The following EXOC4 variants were observed in gnomAD, a reference collection of about 807,000 sequenced individuals.
EXOC4 encodes the protein SEC8-like 1.
A neutral mutation model predicts 107.2 loss-of-function variants in EXOC4; 71 were observed. The ratio of observed to expected loss-of-function variants is 0.66; its 90% CI spans 0.55 to 0.81. The LOEUF is 0.81. Among genes scored for constraint, EXOC4 ranks in the 30% least tolerant of loss-of-function variants. EXOC4 has a pLI of 0.00. For missense variants in EXOC4, 1,108 were observed against 1,189.6 expected (o/e 0.93, Z 1.01); for synonymous variants, 456 against 441.2 (o/e 1.03, Z -0.42).
chr7:133,305,873 TCAGG>T lies in EXOC4; in HGVS notation c.472-3_472del, dbSNP rs1431040779. Reference sequence around the variant, plus strand: ...AATTGTCTTTCATTTTTTTCTCTTTTCAGGTGTCAGCAGTTGAGTCTTTGGAGGG... The same window carrying T: ...AATTGTCTTTCATTTTTTTCTCTTTTTGTCAGCAGTTGAGTCTTTGGAGGG... On this transcript the variant is annotated splice_acceptor_variant and splice_polypyrimidine_tract_variant and coding_sequence_variant and intron_variant, in exon 4 of 18. Coordinates refer to ENST00000253861, the MANE Select transcript of EXOC4 (RefSeq NM_021807.4). LOFTEE classifies it high-confidence loss of function. The T allele has an allele frequency of 6.3e-7, 1 of 1,587,636 alleles. No individual in the cohort carries two copies. Among genetic ancestry groups the T allele is most frequent in the Non-Finnish European group, 8.6e-7 (1 of 1,169,224 alleles).
At chr7:133,536,009 C>T (rs11972131) in intron 9 of EXOC4, among the ~76,000 whole-genome samples, 2,172 of 152,182 alleles carry the variant, frequency 0.014, 62 homozygotes, top group African/African-American at 0.049. Context: ...AGTTTTTGTT[C>T]AGAAATGAAA....
chr7:133,619,550 G>C (rs1802276285), intron 9 of EXOC4, among the ~76,000 whole-genome samples: 1 of 152,144 alleles, frequency 6.6e-6, no homozygotes, highest in African/African-American at 2.4e-5. Context: ...CGTCATCAGA[G>C]GATTCTCAGC....
the EXOC4 span, among the ~76,000 whole-genome samples, chr7:134,072,245 G>A: frequency 3.4e-3 from 513 of 152,210 alleles, no homozygotes; most frequent in Non-Finnish European, 6.1e-3. Context: ...ATCTATCTTA[G>A]GTTCATTGTC....
At position 134,064,276 on chromosome 7, in the gene EXOC4, C is replaced by T; in HGVS notation, c.2688-15C>T. 1 of 1,419,606 alleles carries T rather than the reference C, an allele frequency of 7.0e-7. No individual in the cohort carries two copies. Among genetic ancestry groups the T allele is most frequent in the Non-Finnish European group, 9.3e-7 (1 of 1,074,132 alleles). 87.9% of individuals were successfully genotyped at this position (1,419,606 alleles called of 1,614,324 possible). ...GTGGGGAGCCAGTGAGCAGTGTTCT[C>T]TCTTGCTTTCTCAGGCAGTACTACG... On this transcript the variant is annotated splice_polypyrimidine_tract_variant and intron_variant, in intron 17 of 17. Coordinates refer to ENST00000253861, the MANE Select transcript of EXOC4 (RefSeq NM_021807.4).
At chr7:133,692,116 T>C (rs1794434266) in intron 10 of EXOC4, among the ~76,000 whole-genome samples, 2 of 152,156 alleles carry the variant, frequency 1.3e-5, no homozygotes, top group African/African-American at 4.8e-5. Context: ...TGTGGTAGTT[T>C]TAACCTGAAA....
chr7:133,795,111 T>C (rs1284960262), intron 10 of EXOC4, among the ~76,000 whole-genome samples: 1 of 152,152 alleles, frequency 6.6e-6, no homozygotes, highest in African/African-American at 2.4e-5. Flanking sequence ...AGCCAGCTCA[T>C]ATATAACCAT....
chr7:133,568,498 A>G (rs1800954430), intron 9 of EXOC4, among the ~76,000 whole-genome samples: 1 of 152,196 alleles, frequency 6.6e-6, no homozygotes, highest in Non-Finnish European at 1.5e-5. Flanking sequence ...TTTTACATTT[A>G]AATTTTCAAT....
At chr7:133,307,714 CATT>C (rs1794785051) in intron 4 of EXOC4, among the ~76,000 whole-genome samples, 1 of 152,120 alleles carries the variant, frequency 6.6e-6, no homozygotes, top group Non-Finnish European at 1.5e-5. Context: ...CTTTTGCCAT[CATT>C]AGGGTACATG....
At chr7:133,318,052 T>C (rs1795031756) in intron 5 of EXOC4, among the ~76,000 whole-genome samples, 1 of 152,196 alleles carries the variant, frequency 6.6e-6, no homozygotes, top group South Asian at 2.1e-4. Context: ...CTAGTAGCTT[T>C]TACTTATTTA....
At chr7:133,576,484 T>C in intron 9 of EXOC4, 1 of 1,281,374 alleles carries the variant, frequency 7.8e-7, no homozygotes, top group East Asian at 5.6e-5. Flanking sequence ...ATCTGTCGGT[T>C]GCATTTGATT....
rs761535651 is a variant in EXOC4 at position 133,844,378 on chromosome 7, C to CTTTTTT, written c.1734+26859_1734+26864dup. Among the ~76,000 whole-genome samples the CTTTTTT allele has an allele frequency of 3.7e-4, 31 of 83,390 alleles. 1 individual carries two copies. Among genetic ancestry groups the CTTTTTT allele is most frequent in the African/African-American group, 6.9e-4 (12 of 17,354 alleles). 54.7% of individuals were successfully genotyped at this position (83,390 alleles called of 152,430 possible). A position where few individuals can be genotyped will look rare whatever the true frequency, so the allele number is the denominator to read the frequency against. On this transcript the variant is annotated intron_variant, in intron 11 of 17. Transcript: ENST00000253861. ...TAATTTCTTGGATTCCCACATATTC[C>CTTTTTT]TTTTTTTTTTTTTTTTTTTTTTTTT...
chr7:133,681,098 T>TA (rs1395768673), intron 10 of EXOC4, among the ~76,000 whole-genome samples: 2 of 152,162 alleles, frequency 1.3e-5, no homozygotes, highest in Non-Finnish European at 2.9e-5. Context: ...TGTTTTGACT[T>TA]AAAAAAATCA....
intron 9 of EXOC4, among the ~76,000 whole-genome samples, chr7:133,555,900 T>C (rs1041230615): frequency 2.1e-4 from 32 of 152,188 alleles, no homozygotes; most frequent in African/African-American, 7.5e-4. Context: ...TTATAACCAC[T>C]TGACGTGATT....
chr7:133,695,783 T>C (rs1034793001), intron 10 of EXOC4, among the ~76,000 whole-genome samples: 1 of 152,180 alleles, frequency 6.6e-6, no homozygotes, highest in Non-Finnish European at 1.5e-5. Context: ...AATTTACAAA[T>C]TTGAAATGGA....
chr7:133,370,013 A>G (rs1479896386), intron 6 of EXOC4, among the ~76,000 whole-genome samples: 1 of 151,994 alleles, frequency 6.6e-6, no homozygotes, highest in Non-Finnish European at 1.5e-5. Flanking sequence ...CATGTTGGTC[A>G]GGCTCCCGAC....
intron 6 of EXOC4, among the ~76,000 whole-genome samples, chr7:133,367,321 G>A (rs1796269422): frequency 6.6e-6 from 1 of 152,124 alleles, no homozygotes; most frequent in African/African-American, 2.4e-5. Context: ...CTGGAGAGGT[G>A]GCAGGAAAGC....
intron 10 of EXOC4, among the ~76,000 whole-genome samples, chr7:133,659,811 T>C (rs1803396197): frequency 6.6e-6 from 1 of 152,222 alleles, no homozygotes; most frequent in African/African-American, 2.4e-5. Context: ...TTCCATTACA[T>C]ACACAGATTT....
At chr7:134,097,069 T>A in the EXOC4 span, among the ~76,000 whole-genome samples, 31,888 of 151,834 alleles carry the variant, frequency 0.21, 5,010 homozygotes, top group African/African-American at 0.45. Context: ...ATACAAATTT[T>A]AAAAAATAGA....
chr7:133,559,542 G>A (rs1489259924), intron 9 of EXOC4, among the ~76,000 whole-genome samples: 1 of 152,120 alleles, frequency 6.6e-6, no homozygotes, highest in African/African-American at 2.4e-5. Context: ...AATTCCAAAT[G>A]CGTAATTAGA....
Sources: allele counts gnomAD v4.1 joint callset (sites outside exome capture counted in the v4.1 genomes callset), GRCh38; gene constraint gnomAD v4.1.1; transcripts MANE v1.5; gene names NCBI Gene and HGNC (gene_info 2026-07-23, HGNC 2026-07-21).